Variants in EYA1 observed in about 807,000 individuals in gnomAD.
EYA1 encodes the protein EYA transcriptional coactivator and phosphatase 1.
A neutral mutation model predicts 82.0 loss-of-function variants in EYA1; 16 were observed. The observed-to-expected ratio is 0.20, with a 90% CI of 0.13 to 0.30. The LOEUF (loss-of-function observed/expected upper bound fraction) is 0.30. Ranked by LOEUF, EYA1 falls within the 10% of genes least tolerant of loss-of-function variation. The probability of loss-of-function intolerance (pLI) is 1.00; values close to 1 mark genes in which losing one functional copy is unlikely to be tolerated. For missense variants in EYA1, 633 were observed against 730.7 expected (o/e 0.87, Z 1.54); for synonymous variants, 261 against 264.4 (o/e 0.99, Z 0.12).
intron 2 of EYA1, among the ~76,000 whole-genome samples, chr8:71,391,948 G>T (rs1829302573): frequency 1.3e-5 from 2 of 152,154 alleles, no homozygotes; most frequent in Non-Finnish European, 2.9e-5. Context: ...TCTTTAAGGG[G>T]TCCTTTGCAA....
At chr8:71,417,329 G>A (rs1206149563) in intron 2 of EYA1, among the ~76,000 whole-genome samples, 1 of 152,144 alleles carries the variant, frequency 6.6e-6, no homozygotes, top group Non-Finnish European at 1.5e-5. Flanking sequence ...AACAGTAGGG[G>A]GCAATTTTGC....
intron 2 of EYA1, among the ~76,000 whole-genome samples, chr8:71,392,460 TCCTC>T (rs1014521744): frequency 5.9e-5 from 9 of 152,192 alleles, no homozygotes; most frequent in African/African-American, 2.2e-4. Context: ...GTTTTGCTCT[TCCTC>T]CCTAATCTTC....
At chr8:71,462,529 C>T (rs1424927116) in intron 2 of EYA1, among the ~76,000 whole-genome samples, 2 of 152,170 alleles carry the variant, frequency 1.3e-5, no homozygotes, top group Non-Finnish European at 1.5e-5. Flanking sequence ...GACTCTCACC[C>T]GCTCTGTGGA....
chr8:71,288,084 G>T lies in EYA1; in HGVS notation c.826+10963C>A, dbSNP rs1818583646. 3.3e-5 allele frequency among the ~76,000 whole-genome samples: 5 copies of T among 152,312 alleles called. No homozygotes were observed. In the South Asian group the frequency reaches 1.0e-3, roughly 32 times the overall value. On this transcript the variant is annotated intron_variant, in intron 9 of 17. Coordinates refer to ENST00000340726, the MANE Select transcript of EYA1 (RefSeq NM_000503.6). ...TCCTAATTGTATTCAAAGGGAGGGT[G>T]CTGGTCAAGAGACATTCATAGACAT...
At chr8:71,504,206 A>G (rs190131473) in intron 2 of EYA1, among the ~76,000 whole-genome samples, 182 of 152,334 alleles carry the variant, frequency 1.2e-3, no homozygotes, top group Non-Finnish European at 2.0e-3. Context: ...TTAAAAATGG[A>G]AGAAAGTAGA....
At chr8:71,344,588 C>T (rs1825506909) in intron 3 of EYA1, among the ~76,000 whole-genome samples, 1 of 152,088 alleles carries the variant, frequency 6.6e-6, no homozygotes, top group African/African-American at 2.4e-5. Context: ...CTTTAATTGC[C>T]ATATCTTTTG....
At chr8:71,269,920 A>G in intron 10 of EYA1, 97 bp from the exon 11 acceptor site, 1 of 879,966 alleles carries the variant, frequency 1.1e-6, no homozygotes, top group Non-Finnish European at 1.9e-6. Context: ...GAAACGGAAG[A>G]TGAATGAAAA....
intron 2 of EYA1, among the ~76,000 whole-genome samples, chr8:71,436,046 T>C (rs1805987433): frequency 6.6e-6 from 1 of 152,182 alleles, no homozygotes; most frequent in African/African-American, 2.4e-5. Flanking sequence ...CATTCAGTGA[T>C]GCATTTTAAA....
chr8:71,304,803 G>A (rs1820549975), intron 7 of EYA1, among the ~76,000 whole-genome samples: 1 of 142,750 alleles, frequency 7.0e-6, no homozygotes, highest in East Asian at 2.1e-4. Flanking sequence ...GGAGTAAGGG[G>A]CTCCACTTTG....
intron 11 of EYA1, among the ~76,000 whole-genome samples, chr8:71,257,183 A>G (rs1017914014): frequency 3.3e-5 from 5 of 152,114 alleles, no homozygotes; most frequent in African/African-American, 1.2e-4. Flanking sequence ...AAATAATGTG[A>G]TATCTGGGAT....
chr8:71,543,825 G>A (rs1294077107), intron 1 of EYA1, among the ~76,000 whole-genome samples: 3 of 152,138 alleles, frequency 2.0e-5, no homozygotes, highest in Admixed American at 2.0e-4. Context: ...TAATTGATAT[G>A]ATCCCACAGC....
At chr8:71,231,545 ACTCTAGCTAATGACCACAGACATC>A (rs1460921191) in intron 12 of EYA1, among the ~76,000 whole-genome samples, 4 of 151,878 alleles carry the variant, frequency 2.6e-5, no homozygotes, top group African/African-American at 9.7e-5. Flanking sequence ...CATCTCTCAG[ACTCTAGCTAATGACCACAGACATC>A]TCCATCATTG....
At chr8:71,502,423 C>A (rs1489777680) in intron 2 of EYA1, among the ~76,000 whole-genome samples, 2 of 152,152 alleles carry the variant, frequency 1.3e-5, no homozygotes, top group African/African-American at 4.8e-5. Flanking sequence ...TTTTAATTCA[C>A]TTGGAATTTC....
rs563433628 is a variant in EYA1, at chr8:71,259,141, C to A, written c.1050+10599G>T. The stretch of plus-strand genomic sequence containing the variant: ...TCCAGCAGCTTTCTCCCTACAACAA[C>A]AAAATACCTTTTTTACCCTGAACTC... On this transcript the variant is annotated intron_variant, in intron 11 of 17. Coordinates refer to ENST00000340726, the MANE Select transcript of EYA1 (RefSeq NM_000503.6). 4.0e-4 allele frequency among the ~76,000 whole-genome samples: 61 copies of A among 152,260 alleles called. No individual in the cohort carries two copies. In the South Asian group the frequency reaches 4.2e-3, roughly 10 times the overall value.
intron 2 of EYA1, among the ~76,000 whole-genome samples, chr8:71,370,963 T>C (rs1008106813): frequency 1.3e-5 from 2 of 152,024 alleles, no homozygotes; most frequent in Admixed American, 6.6e-5. Flanking sequence ...GTCTAAACCA[T>C]GCAGACCATT....
chr8:71,455,182 A>C (rs36166752), intron 2 of EYA1, among the ~76,000 whole-genome samples: 1 of 152,076 alleles, frequency 6.6e-6, no homozygotes, highest in Admixed American at 6.5e-5. Flanking sequence ...TCCTTGACAC[A>C]TACACCCCAC....
intron 2 of EYA1, among the ~76,000 whole-genome samples, chr8:71,421,703 G>A (rs1053838970): frequency 6.6e-6 from 1 of 152,168 alleles, no homozygotes; most frequent in African/African-American, 2.4e-5. Context: ...ACAGTGGATT[G>A]GCTTTGTCCA....
At chr8:71,339,179 A>G (rs1456713251) in intron 3 of EYA1, among the ~76,000 whole-genome samples, 1 of 151,958 alleles carries the variant, frequency 6.6e-6, no homozygotes, top group Non-Finnish European at 1.5e-5. Flanking sequence ...CCAAATCCCT[A>G]TCTATTCTCC....
At chr8:71,379,470 G>A (rs898429759) in intron 2 of EYA1, among the ~76,000 whole-genome samples, 4 of 151,586 alleles carry the variant, frequency 2.6e-5, no homozygotes, top group Admixed American at 2.0e-4. Context: ...GACCACCTGT[G>A]TGCCTGAAGA....
Sources: gnomAD v4.1 joint callset for allele counts (sites outside exome capture counted in the v4.1 genomes callset) on GRCh38, gnomAD v4.1.1 for gene constraint, MANE v1.5 for transcripts, NCBI Gene and HGNC (gene_info 2026-07-23, HGNC 2026-07-21) for gene names.